The following CPA6 variants were observed in gnomAD, a reference collection of about 807,000 sequenced individuals.
The protein encoded by CPA6 is carboxypeptidase B.
In CPA6, 58 loss-of-function variants were observed where a neutral mutation model predicts 63.3. That is an observed-to-expected ratio of 0.92 (90% CI 0.74 to 1.14). CPA6 has a LOEUF of 1.14. Among genes scored for constraint, CPA6 ranks in the 50% most tolerant of loss-of-function variants. The probability of loss-of-function intolerance (pLI) is 0.00; values close to 1 mark genes in which losing one functional copy is unlikely to be tolerated. For synonymous variants in CPA6, 185 were observed against 179.0 expected, an observed-to-expected ratio of 1.03 and a Z score of -0.27; for missense variants, 565 against 526.6, an observed-to-expected ratio of 1.07 and a Z score of -0.71.
At chr8:67,714,466 C>G (rs766610357) in intron 1 of CPA6, among the ~76,000 whole-genome samples, 1 of 152,138 alleles carries the variant, frequency 6.6e-6, no homozygotes, top group Admixed American at 6.5e-5. Context: ...CCTAGCACTT[C>G]GGGAGCCCGA....
intron 8 of CPA6, among the ~76,000 whole-genome samples, chr8:67,447,354 A>G (rs1028771956): frequency 1.3e-5 from 2 of 152,134 alleles, no homozygotes; most frequent in African/African-American, 2.4e-5. Flanking sequence ...AAACAATACT[A>G]CAATAAAGAA....
intron 2 of CPA6, among the ~76,000 whole-genome samples, chr8:67,525,195 C>T (rs1812337078): frequency 6.6e-6 from 1 of 152,180 alleles, no homozygotes; most frequent in Non-Finnish European, 1.5e-5. Flanking sequence ...TAGGCCCATC[C>T]TTTCTTTCCA....
At chr8:67,424,173 C>T (rs1287397916) in intron 10 of CPA6, among the ~76,000 whole-genome samples, 2 of 152,156 alleles carry the variant, frequency 1.3e-5, no homozygotes, top group Admixed American at 6.5e-5. Context: ...AAAACAAACT[C>T]AGGGCTCCCA....
intron 2 of CPA6, among the ~76,000 whole-genome samples, chr8:67,557,726 T>C (rs1587558811): frequency 6.6e-6 from 1 of 152,248 alleles, no homozygotes; most frequent in African/African-American, 2.4e-5. Flanking sequence ...AACTTCTAAA[T>C]TGTAATAATC....
chr8:67,506,997 T>A, intron 5 of CPA6, 109 bp from the exon 6 acceptor site: 1 of 756,740 alleles, frequency 1.3e-6, no homozygotes, highest in Middle Eastern at 2.3e-4. Flanking sequence ...GTTCATTAGG[T>A]AATGCATAAA....
intron 8 of CPA6, among the ~76,000 whole-genome samples, chr8:67,458,136 A>G (rs1231715331): frequency 2.0e-5 from 3 of 152,044 alleles, no homozygotes; most frequent in Admixed American, 2.0e-4. Context: ...AAAAAGAAAA[A>G]CTCTAAAACT....
At chr8:67,710,910 T>C (rs1817246356) in intron 1 of CPA6, among the ~76,000 whole-genome samples, 1 of 152,222 alleles carries the variant, frequency 6.6e-6, no homozygotes, top group African/African-American at 2.4e-5. Context: ...GATAGAGTTG[T>C]AGTCATTTGG....
At chr8:67,597,090 G>T (rs1814358963) in intron 2 of CPA6, among the ~76,000 whole-genome samples, 1 of 151,842 alleles carries the variant, frequency 6.6e-6, no homozygotes, top group African/African-American at 2.4e-5. Flanking sequence ...AATGTATTGT[G>T]GTAGCATAGT....
intron 1 of CPA6, among the ~76,000 whole-genome samples, chr8:67,641,281 C>G (rs1379495634): frequency 6.6e-6 from 1 of 151,702 alleles, no homozygotes; most frequent in Non-Finnish European, 1.5e-5. Flanking sequence ...GTTGGGCTGG[C>G]CTTGGCCTGT....
At position 67,475,825 on chromosome 8, in the gene CPA6, T is replaced by TC. The variant is rs1237034050; in HGVS notation, c.838+7942_838+7943insG. ...TCTTTCTTTCTTTCTTTCCTTTCTT[T>TC]TCTTTCTTTCTTTCTTTCTTTCTTT... On this transcript the variant is annotated intron_variant, in intron 8 of 10. Coordinates refer to ENST00000297770, the MANE Select transcript of CPA6 (RefSeq NM_020361.5). Among the ~76,000 whole-genome samples, 3 of 51,278 alleles carry TC rather than the reference T, an allele frequency of 5.9e-5. 1 individual carries two copies. The highest frequency in any genetic ancestry group is 2.9e-4 in the African/African-American group (3 of 10,298). The allele number at this position is 51,278 out of a possible 152,430, so 33.6% of individuals were successfully genotyped here.
chr8:67,495,579 C>T (rs1298325189), intron 6 of CPA6, among the ~76,000 whole-genome samples: 1 of 152,064 alleles, frequency 6.6e-6, no homozygotes, highest in Non-Finnish European at 1.5e-5. Context: ...TAGTTAGTAG[C>T]CCTCACTCTG....
rs1158614110 is a variant in CPA6, at chr8:67,681,504, C to T, written c.117-57253G>A. Among the ~76,000 whole-genome samples, 10 of 152,080 alleles carry T rather than the reference C, an allele frequency of 6.6e-5. No individual in the cohort carries two copies. The East Asian group carries it at 1.5e-3, about 23-fold the overall frequency. ...GATTACAGGCGTGAGCCACCGCGCC[C>T]GGCCAAAGATTTTCTTTAATGTTGT... On this transcript the variant is annotated intron_variant, in intron 1 of 10. Transcript: ENST00000297770.
At chr8:67,693,679 T>C (rs1816857294) in intron 1 of CPA6, among the ~76,000 whole-genome samples, 1 of 152,222 alleles carries the variant, frequency 6.6e-6, no homozygotes, top group Admixed American at 6.5e-5. Flanking sequence ...GACTGCCACC[T>C]ATGAACAAGG....
At chr8:67,579,779 AC>A (rs1813718760) in intron 2 of CPA6, among the ~76,000 whole-genome samples, 2 of 152,190 alleles carry the variant, frequency 1.3e-5, no homozygotes. Context: ...TGATTTCAAC[AC>A]CCATAAAGGT....
intron 1 of CPA6, among the ~76,000 whole-genome samples, chr8:67,689,208 C>G (rs941477969): frequency 1.3e-5 from 2 of 152,070 alleles, no homozygotes; most frequent in Admixed American, 6.6e-5. Context: ...GCCTGGTTCT[C>G]TAGTTATAGA....
intron 1 of CPA6, among the ~76,000 whole-genome samples, chr8:67,644,182 C>G (rs541310558): frequency 1.3e-5 from 2 of 151,750 alleles, no homozygotes; most frequent in Non-Finnish European, 2.9e-5. Context: ...GCAGTGGCGC[C>G]ATTTCGGCTC....
intron 1 of CPA6, among the ~76,000 whole-genome samples, chr8:67,732,981 G>A (rs1334867990): frequency 1.3e-5 from 2 of 151,848 alleles, no homozygotes; most frequent in African/African-American, 4.8e-5. Flanking sequence ...CGGATCATGA[G>A]GTCAGGAGAT....
intron 1 of CPA6, among the ~76,000 whole-genome samples, chr8:67,638,646 A>G (rs1815522688): frequency 6.6e-6 from 1 of 151,436 alleles, no homozygotes; most frequent in Non-Finnish European, 1.5e-5. Flanking sequence ...TAAGAGGAAG[A>G]CCACTCCCCC....
intron 1 of CPA6, among the ~76,000 whole-genome samples, chr8:67,700,102 A>G (rs767876316): frequency 1.3e-5 from 2 of 152,172 alleles, no homozygotes; most frequent in Non-Finnish European, 2.9e-5. Flanking sequence ...GTTTTTTTAA[A>G]CATACTTCTC....
Sources: allele counts gnomAD v4.1 joint callset (sites outside exome capture counted in the v4.1 genomes callset), GRCh38; gene constraint gnomAD v4.1.1; transcripts MANE v1.5; gene names NCBI Gene and HGNC (gene_info 2026-07-23, HGNC 2026-07-21).